Variants in ASIC2 observed in about 807,000 individuals in gnomAD.
ASIC2 encodes the protein acid-sensing ion channel 2.
A neutral mutation model predicts 57.3 loss-of-function variants in ASIC2; 25 were observed. The ratio of observed to expected loss-of-function variants is 0.44; its 90% CI spans 0.32 to 0.61. The LOEUF is 0.61. ASIC2 is among the 20% of genes least tolerant of loss of function. The probability of loss-of-function intolerance (pLI) is 0.06; values close to 1 mark genes in which losing one functional copy is unlikely to be tolerated. For synonymous variants in ASIC2, 319 were observed against 307.5 expected (o/e 1.04, Z -0.39); for missense variants, 641 against 738.1 (o/e 0.87, Z 1.52).
At chr17:33,149,672 G>A (rs556458852) in intron 1 of ASIC2, among the ~76,000 whole-genome samples, 14 of 152,134 alleles carry the variant, frequency 9.2e-5, no homozygotes, top group African/African-American at 3.4e-4. Flanking sequence ...AGTAATCTCA[G>A]CAGCATTTGA....
chr17:33,600,325 C>T (rs1905091123), intron 1 of ASIC2, among the ~76,000 whole-genome samples: 3 of 152,192 alleles, frequency 2.0e-5, no homozygotes, highest in Admixed American at 2.0e-4. Flanking sequence ...GCGAGAAGGT[C>T]CTCACCAGAT....
chr17:33,308,901 C>T (rs147470788), intron 1 of ASIC2, among the ~76,000 whole-genome samples: 6 of 152,254 alleles, frequency 3.9e-5, no homozygotes, highest in East Asian at 1.9e-4. Context: ...TCTCCTTTGT[C>T]GGGTAGACAG....
intron 1 of ASIC2, among the ~76,000 whole-genome samples, chr17:33,855,202 A>G (rs1483516807): frequency 6.6e-6 from 1 of 152,126 alleles, no homozygotes; most frequent in Non-Finnish European, 1.5e-5. Flanking sequence ...AGTGACCATA[A>G]CTGGATCTGT....
chr17:33,823,417 C>T (rs867365326), intron 1 of ASIC2, among the ~76,000 whole-genome samples: 3 of 149,454 alleles, frequency 2.0e-5, no homozygotes, highest in East Asian at 2.0e-4. Context: ...TATCTCGAGT[C>T]GAGAGTCAGA....
chr17:33,273,141 GA>G (rs930159789), intron 1 of ASIC2, among the ~76,000 whole-genome samples: 2 of 152,038 alleles, frequency 1.3e-5, no homozygotes, highest in African/African-American at 4.8e-5. Context: ...TGCTAAGGGG[GA>G]AAAAATAAAA....
chr17:34,002,569 G>T (rs187456308), intron 1 of ASIC2: 7 of 152,326 alleles, frequency 4.6e-5, no homozygotes, highest in African/African-American at 1.2e-4. Flanking sequence ...TCTCCTCAAA[G>T]AGCTTAATTT....
At chr17:33,218,503 C>T (rs552971353) in intron 1 of ASIC2, among the ~76,000 whole-genome samples, 1 of 152,114 alleles carries the variant, frequency 6.6e-6, no homozygotes, top group Non-Finnish European at 1.5e-5. Flanking sequence ...ATAACTCCTG[C>T]CTTGAAGGAC....
chr17:33,590,752 T>C (rs1256970865), intron 1 of ASIC2, among the ~76,000 whole-genome samples: 3 of 152,196 alleles, frequency 2.0e-5, no homozygotes, highest in Admixed American at 6.5e-5. Context: ...GATTCACTCA[T>C]CACATCCTGA....
At position 33,172,882 on chromosome 17, in the gene ASIC2, T is replaced by C. The variant is rs971240939; in HGVS notation, c.709-60815A>G. 3.3e-5 allele frequency among the ~76,000 whole-genome samples: 5 copies of C among 152,298 alleles called. No homozygotes were observed. The East Asian group carries it at 7.7e-4, about 24-fold the overall frequency. On this transcript the variant is annotated intron_variant, in intron 1 of 9. Transcript: ENST00000225823. ...CTGTCACTTCACTTCATGCAAAAGT[T>C]TGAGATCTATGGATGTAGTGGAAGG...
At chr17:33,152,933 G>A (rs1319982041) in intron 1 of ASIC2, among the ~76,000 whole-genome samples, 5 of 152,288 alleles carry the variant, frequency 3.3e-5, no homozygotes, top group Non-Finnish European at 5.9e-5. Flanking sequence ...CTCCGAGGCC[G>A]GAAGGTAATT....
chr17:33,457,657 T>A (rs1912497712), intron 1 of ASIC2, among the ~76,000 whole-genome samples: 1 of 152,180 alleles, frequency 6.6e-6, no homozygotes, highest in African/African-American at 2.4e-5. Context: ...ATGATGATGA[T>A]GGCAATGGTG....
intron 1 of ASIC2, among the ~76,000 whole-genome samples, chr17:33,666,609 G>T: frequency 6.6e-6 from 1 of 152,154 alleles, no homozygotes. Context: ...GGCATCCGCT[G>T]GGTTGTGAGA....
At chr17:33,744,759 A>T (rs1910212298) in intron 1 of ASIC2, among the ~76,000 whole-genome samples, 1 of 152,236 alleles carries the variant, frequency 6.6e-6, no homozygotes, top group Non-Finnish European at 1.5e-5. Context: ...ATCAAAGTAG[A>T]CATTATACAT....
chr17:33,504,711 C>T (rs1244502707), intron 1 of ASIC2, among the ~76,000 whole-genome samples: 1 of 152,142 alleles, frequency 6.6e-6, no homozygotes, highest in Admixed American at 6.5e-5. Flanking sequence ...AGCTTCTGGC[C>T]AGCTACTCAG....
chr17:33,498,179 CGT>C (rs1913995360), intron 1 of ASIC2, among the ~76,000 whole-genome samples: 1 of 152,240 alleles, frequency 6.6e-6, no homozygotes, highest in African/African-American at 2.4e-5. Context: ...TTGCTTCACT[CGT>C]GTGTCTGTTG....
intron 1 of ASIC2, among the ~76,000 whole-genome samples, chr17:33,408,442 A>G (rs1033992046): frequency 2.6e-5 from 4 of 152,220 alleles, no homozygotes; most frequent in African/African-American, 9.6e-5. Context: ...GTGAATATGT[A>G]TCCGGTACTT....
chr17:33,644,909 G>A (rs949357616), intron 1 of ASIC2, among the ~76,000 whole-genome samples: 2 of 152,182 alleles, frequency 1.3e-5, no homozygotes, highest in Admixed American at 6.5e-5. Flanking sequence ...AGGTAGATGG[G>A]TAGATAAGAA....
intron 1 of ASIC2, among the ~76,000 whole-genome samples, chr17:33,532,562 AAAAG>A (rs1915085359): frequency 6.6e-6 from 1 of 152,314 alleles, no homozygotes; most frequent in East Asian, 1.9e-4. Context: ...ATAGGAAAGA[AAAAG>A]AAAGAAGATG....
intron 1 of ASIC2, among the ~76,000 whole-genome samples, chr17:33,231,381 C>T (rs752591052): frequency 6.6e-6 from 1 of 152,154 alleles, no homozygotes; most frequent in Non-Finnish European, 1.5e-5. Flanking sequence ...GGGGAATGCT[C>T]ATGGGCATGG....
Sources: gnomAD v4.1 joint callset for allele counts (sites outside exome capture counted in the v4.1 genomes callset) on GRCh38, gnomAD v4.1.1 for gene constraint, MANE v1.5 for transcripts, NCBI Gene and HGNC (gene_info 2026-07-23, HGNC 2026-07-21) for gene names.